The following SLC12A7 variants were observed in gnomAD, a reference collection of about 807,000 sequenced individuals.
The protein encoded by SLC12A7 is solute carrier family 12 member 7.
A neutral mutation model predicts 120.6 loss-of-function variants in SLC12A7; 100 were observed. The observed-to-expected ratio is 0.83, with a 90% CI of 0.71 to 0.98. The LOEUF (loss-of-function observed/expected upper bound fraction) is 0.98, where lower values mean the gene tolerates loss of function less well. Ranked by LOEUF, SLC12A7 falls within the 50% of genes least tolerant of loss-of-function variation. The pLI is 0.00. For missense variants in SLC12A7, 1,373 were observed against 1,548.1 expected (o/e 0.89, Z 1.90); for synonymous variants, 760 against 678.0 (o/e 1.12, Z -1.88).
chr5:1,095,746 G>A (rs1741068306), intron 1 of SLC12A7, among the ~76,000 whole-genome samples: 1 of 152,260 alleles, frequency 6.6e-6, no homozygotes, highest in Non-Finnish European at 1.5e-5. Flanking sequence ...CACCCTGGCT[G>A]GCTGACAGGC....
chr5:1,076,238 T>C lies in SLC12A7; in HGVS notation c.1749-2A>G, dbSNP rs777760184. Reference sequence around the variant, plus strand: ...AACAGGTAGCACATGAGGAAGAACCTGCAGGGACGGCCGGCCACTGATACG... The same window carrying C: ...AACAGGTAGCACATGAGGAAGAACCCGCAGGGACGGCCGGCCACTGATACG... On this transcript the variant is annotated splice_acceptor_variant, in intron 13 of 23. Coordinates refer to ENST00000264930, the MANE Select transcript of SLC12A7 (RefSeq NM_006598.3). LOFTEE classifies it high-confidence loss of function. The C allele has an allele frequency of 1.9e-5, 30 of 1,605,402 alleles. No individual in the cohort carries two copies. The highest frequency in any genetic ancestry group is 2.7e-5 in the African/African-American group (2 of 74,824).
chr5:1,094,850 C>T (rs1411180094), intron 1 of SLC12A7, among the ~76,000 whole-genome samples: 3 of 152,128 alleles, frequency 2.0e-5, no homozygotes, highest in Non-Finnish European at 2.9e-5. Flanking sequence ...GCTGGGCCGG[C>T]GACCCCTCCA....
chr5:1,110,308 C>T (rs565424117), intron 1 of SLC12A7, among the ~76,000 whole-genome samples: 2 of 152,362 alleles, frequency 1.3e-5, no homozygotes, highest in African/African-American at 4.8e-5. Context: ...CATGCCCTCC[C>T]GTTCTCAATT....
chr5:1,154,558 C>T, the SLC12A7 span, among the ~76,000 whole-genome samples: 2 of 152,114 alleles, frequency 1.3e-5, no homozygotes, highest in Non-Finnish European at 2.9e-5. Flanking sequence ...CACACACAGG[C>T]GTGGACACTC....
chr5:1,118,875 ACTT>A, the SLC12A7 span, among the ~76,000 whole-genome samples: 706 of 152,298 alleles, frequency 4.6e-3, 1 homozygote, highest in African/African-American at 0.015. Context: ...GTCTCGCTGA[ACTT>A]CTGGGCCGGC....
At chr5:1,065,683 G>C (rs991932334) in intron 17 of SLC12A7, among the ~76,000 whole-genome samples, 1 of 152,156 alleles carries the variant, frequency 6.6e-6, no homozygotes, top group South Asian at 2.1e-4. Flanking sequence ...TGGGGAGAGA[G>C]ACACAGAGCA....
At chr5:1,076,060 T>A in intron 14 of SLC12A7, 78 bp downstream of exon 14, 3 of 1,245,556 alleles carry the variant, frequency 2.4e-6, no homozygotes, top group Non-Finnish European at 3.4e-6. Context: ...ACGCCTGTGC[T>A]GAGCGGCCTC....
At chr5:1,104,863 C>G (rs1326656646) in intron 1 of SLC12A7, among the ~76,000 whole-genome samples, 5 of 152,262 alleles carry the variant, frequency 3.3e-5, no homozygotes, top group African/African-American at 1.2e-4. Flanking sequence ...GCCCACGTCA[C>G]AGCCCAGGGC....
At chr5:1,078,108 G>A (rs1281949500) in intron 11 of SLC12A7, 101 bp from the exon 12 acceptor site, 3 of 1,370,636 alleles carry the variant, frequency 2.2e-6, no homozygotes, top group Non-Finnish European at 1.9e-6. Flanking sequence ...GTGCAGTGGG[G>A]GCGACTCCTT....
At chr5:1,099,505 G>GACATCAAC (rs1741780680) in intron 1 of SLC12A7, among the ~76,000 whole-genome samples, 17 of 151,752 alleles carry the variant, frequency 1.1e-4, no homozygotes, top group Non-Finnish European at 1.8e-4. Context: ...CCGGGGGACG[G>GACATCAAC]CAGGCATCCT....
At chr5:1,093,445 C>T in intron 3 of SLC12A7, 88 bp downstream of exon 3, 1 of 1,375,484 alleles carries the variant, frequency 7.3e-7, no homozygotes. Context: ...GGCAGCTCTT[C>T]TGACAAGCAA....
chr5:1,076,537 G>A (rs989608658), intron 13 of SLC12A7, among the ~76,000 whole-genome samples, 157 bp downstream of exon 13: 1 of 152,072 alleles, frequency 6.6e-6, no homozygotes, highest in East Asian at 1.9e-4. Flanking sequence ...CTGTGTACTT[G>A]TCTTCCCCGG....
rs144826748 is a variant in SLC12A7, at chr5:1,081,866, G to A, written c.1130-122C>T. ...GGAGGGGAAGGGTCACAGCTTGTGC[G>A]CCGCAAGCAGGCTCCAATTCAAACA... On this transcript the variant is annotated intron_variant, in intron 8 of 23. Transcript: ENST00000264930. The A allele has an allele frequency of 1.4e-3, 1,559 of 1,128,134 alleles. 20 individuals are homozygous for A. Among genetic ancestry groups the A allele is most frequent in the South Asian group, 0.012 (773 of 62,464 alleles). 69.9% of individuals were successfully genotyped at this position (1,128,134 alleles called of 1,614,324 possible).
the SLC12A7 span, among the ~76,000 whole-genome samples, chr5:1,137,891 A>G: frequency 1.3e-5 from 2 of 152,198 alleles, no homozygotes; most frequent in African/African-American, 4.8e-5. Context: ...TGTCGGCGCC[A>G]GCGCTGTGGA....
At chr5:1,053,779 A>G (rs1735307838) in intron 22 of SLC12A7, among the ~76,000 whole-genome samples, 2 of 152,256 alleles carry the variant, frequency 1.3e-5, no homozygotes, top group South Asian at 2.1e-4. Context: ...ACAAACCGCA[A>G]GCGCTTTCCT....
chr5:1,144,189 C>T, the SLC12A7 span, among the ~76,000 whole-genome samples: 6 of 152,264 alleles, frequency 3.9e-5, no homozygotes, highest in East Asian at 9.7e-4. Flanking sequence ...CCTGGACGCA[C>T]CCGCCAACCT....
At chr5:1,124,736 G>A in the SLC12A7 span, among the ~76,000 whole-genome samples, 9 of 152,144 alleles carry the variant, frequency 5.9e-5, no homozygotes, top group Admixed American at 3.9e-4. Context: ...CTGGGGCGAC[G>A]ACCGTGAGAA....
chr5:1,093,651 T>C lies in SLC12A7; in HGVS notation c.224A>G (p.Glu75Gly). The C allele has an allele frequency of 3.7e-6, 6 of 1,612,906 alleles. No individual in the cohort carries two copies. Among genetic ancestry groups the C allele is most frequent in the Non-Finnish European group, 5.1e-6 (6 of 1,179,818 alleles). ...EGKNMALFEE[E>G]MDSNPMVSSL... is the part of the protein sequence containing the mutation. Reference sequence around the variant, plus strand: ...GGACACCATGGGGTTACTGTCCATCTCCTCCTGCGCGGCGTGGACATGGTC... The same window carrying C: ...GGACACCATGGGGTTACTGTCCATCCCCTCCTGCGCGGCGTGGACATGGTC... The change falls in exon 3 of 24, where the codon GAG becomes GGG. Residue 75 changes from glutamate (E) to glycine (G), a missense_variant. Transcript: ENST00000264930.
chr5:1,123,508 C>T, the SLC12A7 span, among the ~76,000 whole-genome samples: 1 of 152,240 alleles, frequency 6.6e-6, no homozygotes, highest in African/African-American at 2.4e-5. Context: ...CTCCTCCCTG[C>T]CAAAGACCCC....
Sources: allele counts gnomAD v4.1 joint callset (sites outside exome capture counted in the v4.1 genomes callset), GRCh38; gene constraint gnomAD v4.1.1; transcripts MANE v1.5; gene names NCBI Gene and HGNC (gene_info 2026-07-23, HGNC 2026-07-21).